PDE4D: variants seen among roughly 807,000 people sequenced by gnomAD.
The protein encoded by PDE4D is 3',5'-cyclic-AMP phosphodiesterase 4D.
In PDE4D, 24 loss-of-function variants were observed where a neutral mutation model predicts 87.4. That is an observed-to-expected ratio of 0.27 (90% confidence interval 0.20 to 0.39). PDE4D has a LOEUF of 0.39. Ranked by LOEUF, PDE4D falls within the 10% of genes least tolerant of loss-of-function variation. The probability of loss-of-function intolerance (pLI) is 1.00; values close to 1 mark genes in which losing one functional copy is unlikely to be tolerated. For missense variants in PDE4D, 714 were observed against 1,041.0 expected (o/e 0.69, Z 4.32); for synonymous variants, 384 against 383.2 (o/e 1.00, Z -0.02).
chr5:59,677,838 A>T (rs945457704), intron 1 of PDE4D, among the ~76,000 whole-genome samples: 1 of 152,154 alleles, frequency 6.6e-6, no homozygotes, highest in African/African-American at 2.4e-5. Context: ...ATCCAAGAGA[A>T]GCATTGTATT....
chr5:59,570,662 G>A (rs1227100732), intron 1 of PDE4D, among the ~76,000 whole-genome samples: 1 of 150,610 alleles, frequency 6.6e-6, no homozygotes, highest in Non-Finnish European at 1.5e-5. Flanking sequence ...AAAAAAAATT[G>A]CAAAACTCCA....
chr5:59,998,811 T>C (rs1436617737), intron 2 of PDE4D, among the ~76,000 whole-genome samples: 1 of 152,138 alleles, frequency 6.6e-6, no homozygotes, highest in Non-Finnish European at 1.5e-5. Flanking sequence ...CAAAATTCCC[T>C]TAAATATTTT....
chr5:59,007,054 A>G (rs1358080396), intron 6 of PDE4D, among the ~76,000 whole-genome samples: 2 of 152,198 alleles, frequency 1.3e-5, no homozygotes, highest in African/African-American at 4.8e-5. Flanking sequence ...TAGAGCCTAC[A>G]TAATAGATCC....
At chr5:59,603,897 T>C (rs984529213) in intron 1 of PDE4D, among the ~76,000 whole-genome samples, 9 of 151,826 alleles carry the variant, frequency 5.9e-5, no homozygotes, top group African/African-American at 2.2e-4. Context: ...GTTAACAGAG[T>C]GGATATTAAG....
chr5:60,048,601 AT>A (rs1338780334), intron 2 of PDE4D, among the ~76,000 whole-genome samples: 1 of 151,698 alleles, frequency 6.6e-6, no homozygotes, highest in African/African-American at 2.4e-5. Context: ...TCTGTAAAGG[AT>A]TTTATTTCTC....
chr5:59,331,330 T>G (rs1189733374), intron 1 of PDE4D, among the ~76,000 whole-genome samples: 1 of 152,154 alleles, frequency 6.6e-6, no homozygotes, highest in Non-Finnish European at 1.5e-5. Context: ...GGGAGACCTC[T>G]CCTCTTGGCT....
chr5:59,761,225 C>T (rs753625026), intron 1 of PDE4D, among the ~76,000 whole-genome samples: 8 of 152,140 alleles, frequency 5.3e-5, no homozygotes, highest in South Asian at 4.1e-4. Flanking sequence ...GCACTGACCA[C>T]GAATGCAGCT....
At chr5:59,196,510 C>G (rs1019294295) in intron 2 of PDE4D, among the ~76,000 whole-genome samples, 3 of 152,178 alleles carry the variant, frequency 2.0e-5, no homozygotes, top group Non-Finnish European at 4.4e-5. Context: ...TGCAATTTCT[C>G]TTATGTACTT....
intron 2 of PDE4D, among the ~76,000 whole-genome samples, chr5:60,049,435 A>T (rs1769792487): frequency 6.6e-6 from 1 of 152,196 alleles, no homozygotes; most frequent in Non-Finnish European, 1.5e-5. Flanking sequence ...GGACGAGGAG[A>T]GGCACTCTGC....
intron 3 of PDE4D, among the ~76,000 whole-genome samples, chr5:59,978,189 T>A (rs1158758720): frequency 6.6e-6 from 1 of 152,166 alleles, no homozygotes; most frequent in Admixed American, 6.6e-5. Context: ...AAGAAATACA[T>A]TTCATAGGGC....
chr5:59,727,828 T>C (rs1421626265), intron 1 of PDE4D, among the ~76,000 whole-genome samples: 2 of 152,210 alleles, frequency 1.3e-5, no homozygotes, highest in African/African-American at 4.8e-5. Flanking sequence ...ATGCATGCCA[T>C]GTGTCTGACC....
chr5:60,035,109 A>G (rs1767644576), intron 2 of PDE4D, among the ~76,000 whole-genome samples: 2 of 152,140 alleles, frequency 1.3e-5, no homozygotes. Context: ...TACAAAAATT[A>G]GCCGGGCATG....
intron 1 of PDE4D, among the ~76,000 whole-genome samples, chr5:59,533,365 A>AGAT (rs1272113087): frequency 3.3e-5 from 5 of 152,262 alleles, no homozygotes; most frequent in African/African-American, 1.2e-4. Flanking sequence ...TAAAGGTTTA[A>AGAT]GATAGAATTT....
At chr5:59,130,309 C>T (rs1776090082) in intron 5 of PDE4D, among the ~76,000 whole-genome samples, 1 of 152,150 alleles carries the variant, frequency 6.6e-6, no homozygotes, top group African/African-American at 2.4e-5. Flanking sequence ...GCTTTGTGTA[C>T]ACTGAGATAA....
chr5:59,725,723 C>A (rs1291047680), intron 1 of PDE4D, among the ~76,000 whole-genome samples: 2 of 152,092 alleles, frequency 1.3e-5, no homozygotes, highest in African/African-American at 4.8e-5. Context: ...TTAAAAATTA[C>A]TTTGTGTTCC....
chr5:59,159,374 C>A (rs982493627), intron 5 of PDE4D, among the ~76,000 whole-genome samples: 1 of 151,998 alleles, frequency 6.6e-6, no homozygotes, highest in Admixed American at 6.6e-5. Flanking sequence ...CTCAAGTGAT[C>A]CTCCTGCCTC....
At chr5:59,906,685 T>G (rs568059605) in intron 3 of PDE4D, among the ~76,000 whole-genome samples, 4 of 152,224 alleles carry the variant, frequency 2.6e-5, no homozygotes, top group South Asian at 2.1e-4. Context: ...TCAATATCAC[T>G]GATCATTAGA....
intron 1 of PDE4D, among the ~76,000 whole-genome samples, chr5:60,244,648 C>T (rs1202463306): frequency 2.0e-5 from 3 of 151,862 alleles, no homozygotes; most frequent in Non-Finnish European, 4.4e-5. Context: ...TAAATCCGTA[C>T]ATCTACAGGG....
intron 1 of PDE4D, among the ~76,000 whole-genome samples, chr5:59,282,406 C>A (rs937794561): frequency 2.0e-5 from 3 of 151,682 alleles, no homozygotes; most frequent in Non-Finnish European, 4.4e-5. Flanking sequence ...TTTGGGAGGC[C>A]GAGACGGGTG....
Sources: gnomAD v4.1 joint callset for allele counts (sites outside exome capture counted in the v4.1 genomes callset) on GRCh38, gnomAD v4.1.1 for gene constraint, MANE v1.5 for transcripts, NCBI Gene and HGNC (gene_info 2026-07-23, HGNC 2026-07-21) for gene names.